The following KAT6B variants were observed in gnomAD, a reference collection of about 807,000 sequenced individuals.
KAT6B encodes lysine acetyltransferase 6B.
In KAT6B, 10 loss-of-function variants were observed where a neutral mutation model predicts 187.5. That is an observed-to-expected ratio of 0.05 (90% CI 0.03 to 0.09). The LOEUF (loss-of-function observed/expected upper bound fraction) is 0.09, where lower values mean the gene tolerates loss of function less well. Ranked by LOEUF, KAT6B falls within the 10% of genes least tolerant of loss-of-function variation. The pLI is 1.00. For synonymous variants in KAT6B, 861 were observed against 926.8 expected, an observed-to-expected ratio of 0.93 and a Z score of 1.29; for missense variants, 1,952 against 2,558.9, an observed-to-expected ratio of 0.76 and a Z score of 5.12.
At chr10:74,972,410 G>A (rs1338548873) in intron 6 of KAT6B, 97 bp from the exon 7 acceptor site, 2 of 869,692 alleles carry the variant, frequency 2.3e-6, no homozygotes, top group Non-Finnish European at 3.6e-6. Flanking sequence ...CAGCATACAG[G>A]CATCCTTGAG....
intron 3 of KAT6B, among the ~76,000 whole-genome samples, chr10:74,864,805 C>T (rs1347333230): frequency 2.6e-5 from 4 of 152,166 alleles, no homozygotes; most frequent in African/African-American, 7.2e-5. Context: ...CCTCATTGGC[C>T]CTGTGTGTTC....
At chr10:74,973,449 C>G (rs1841969647) in intron 7 of KAT6B, among the ~76,000 whole-genome samples, 1 of 152,194 alleles carries the variant, frequency 6.6e-6, no homozygotes, top group Non-Finnish European at 1.5e-5. Flanking sequence ...GTTCTACCAA[C>G]AGACTACCAC....
At chr10:74,921,404 G>A (rs1438153874) in intron 3 of KAT6B, among the ~76,000 whole-genome samples, 1 of 152,098 alleles carries the variant, frequency 6.6e-6, no homozygotes, top group African/African-American at 2.4e-5. Flanking sequence ...ATGAGCCACC[G>A]TGCCTGGCCT....
intron 1 of KAT6B, among the ~76,000 whole-genome samples, chr10:74,833,035 TGGG>T (rs1158807383): frequency 7.1e-6 from 1 of 140,222 alleles, no homozygotes; most frequent in Non-Finnish European, 1.5e-5. Context: ...CTCAGAAGGC[TGGG>T]GCAGGAGAGT....
intron 13 of KAT6B, among the ~76,000 whole-genome samples, chr10:75,010,183 C>T (rs1196313259): frequency 6.6e-6 from 1 of 152,174 alleles, no homozygotes; most frequent in African/African-American, 2.4e-5. Context: ...GGCTTCTTAC[C>T]TCAAATCACG....
At chr10:74,993,993 A>G (rs926222473) in intron 13 of KAT6B, among the ~76,000 whole-genome samples, 6 of 152,212 alleles carry the variant, frequency 3.9e-5, no homozygotes, top group Non-Finnish European at 2.9e-5. Flanking sequence ...ATCAGTAAGC[A>G]TCTGGTGAGA....
At chr10:74,899,692 T>G (rs1846250094) in intron 3 of KAT6B, among the ~76,000 whole-genome samples, 1 of 152,226 alleles carries the variant, frequency 6.6e-6, no homozygotes, top group South Asian at 2.1e-4. Flanking sequence ...CACCCTTTTT[T>G]GGGTGTAAGT....
At chr10:74,964,626 C>T (rs755199640) in intron 4 of KAT6B, among the ~76,000 whole-genome samples, 4 of 152,152 alleles carry the variant, frequency 2.6e-5, no homozygotes, top group Non-Finnish European at 4.4e-5. Flanking sequence ...AGTCTACCCC[C>T]GAGGCACCTC....
At chr10:74,920,997 G>T (rs548268256) in intron 3 of KAT6B, among the ~76,000 whole-genome samples, 9 of 152,020 alleles carry the variant, frequency 5.9e-5, no homozygotes, top group African/African-American at 2.2e-4. Flanking sequence ...TTTTGGTGAT[G>T]AAAATATGTT....
In KAT6B at chr10:74,837,632, A is replaced by G. The variant is rs146038339; in HGVS notation, c.-328-1051A>G. ...TTTTTTCCTGTGGATTTGTCTTTCC[A>G]GTTAGATACTGCTTAGGCTAAAATG... is the stretch of plus-strand genomic sequence containing the variant. On this transcript the variant is annotated intron_variant, in intron 1 of 17. Transcript: ENST00000287239. Among the ~76,000 whole-genome samples the G allele has an allele frequency of 9.2e-5, 14 of 152,120 alleles. No homozygotes were observed. The East Asian group carries it at 2.5e-3, about 27-fold the overall frequency.
At chr10:74,982,089 T>G (rs907935030) in intron 11 of KAT6B, 161 bp downstream of exon 11, 32 of 646,662 alleles carry the variant, frequency 4.9e-5, no homozygotes, top group Admixed American at 1.3e-4. Context: ...AATGTTTATC[T>G]AACCATATTA....
chr10:74,930,828 C>A (rs1848818404), intron 3 of KAT6B, among the ~76,000 whole-genome samples: 1 of 152,126 alleles, frequency 6.6e-6, no homozygotes, highest in Non-Finnish European at 1.5e-5. Context: ...TGTGAAGAAT[C>A]TGAATGTAGA....
intron 3 of KAT6B, among the ~76,000 whole-genome samples, chr10:74,943,065 A>G (rs1849813440): frequency 6.6e-6 from 1 of 152,202 alleles, no homozygotes; most frequent in Non-Finnish European, 1.5e-5. Flanking sequence ...TTTAGACCAT[A>G]TGGTCATCTA....
Position 75,022,090 on chromosome 10 carries a change from CGAG to C in KAT6B, c.3240_3242del (p.Glu1089del), listed in dbSNP as rs752095426. Reference sequence around the variant, plus strand: ...GTGAAGAAGAAGAGGAGGAGGAGGACGAGGAGGAGGAAGAAGAGGAGGAAGAAG... The same window carrying C: ...GTGAAGAAGAAGAGGAGGAGGAGGACGAGGAGGAAGAAGAGGAGGAAGAAG... On this transcript the variant is annotated inframe_deletion, in exon 16 of 18. Coordinates refer to ENST00000287239, the MANE Select transcript of KAT6B (RefSeq NM_012330.4). 8 of 1,595,112 alleles carry C rather than the reference CGAG, an allele frequency of 5.0e-6. No homozygotes were observed. In the East Asian group the frequency reaches 9.0e-5, roughly 18 times the overall value.
At chr10:74,970,868 T>G (rs1841804828) in intron 6 of KAT6B, among the ~76,000 whole-genome samples, 1 of 152,208 alleles carries the variant, frequency 6.6e-6, no homozygotes, top group African/African-American at 2.4e-5. Flanking sequence ...TCTTAATAGA[T>G]TATAAGCATC....
chr10:74,961,033 A>G (rs1299477757), intron 4 of KAT6B, among the ~76,000 whole-genome samples: 1 of 152,178 alleles, frequency 6.6e-6, no homozygotes, highest in East Asian at 1.9e-4. Context: ...GTGGTTCAGC[A>G]GCTTTCAGGT....
chr10:74,828,116 G>A (rs1216498950), intron 1 of KAT6B, among the ~76,000 whole-genome samples: 1 of 152,188 alleles, frequency 6.6e-6, no homozygotes, highest in Non-Finnish European at 1.5e-5. Context: ...GCAGGGAGTG[G>A]TAGGAGATGA....
intron 3 of KAT6B, among the ~76,000 whole-genome samples, chr10:74,947,991 G>A (rs181110040): frequency 6.6e-6 from 1 of 152,250 alleles, no homozygotes; most frequent in East Asian, 1.9e-4. Flanking sequence ...GCCACAAAGG[G>A]GGTCTAAGAA....
intron 2 of KAT6B, among the ~76,000 whole-genome samples, chr10:74,842,385 A>T (rs1371415687): frequency 6.6e-6 from 1 of 152,220 alleles, no homozygotes; most frequent in African/African-American, 2.4e-5. Flanking sequence ...ATGACTTCAT[A>T]TAGAGAAGTG....
Sources: gnomAD v4.1 joint callset for allele counts (sites outside exome capture counted in the v4.1 genomes callset) on GRCh38, gnomAD v4.1.1 for gene constraint, MANE v1.5 for transcripts, NCBI Gene and HGNC (gene_info 2026-07-23, HGNC 2026-07-21) for gene names.